FHIT: variants seen among roughly 807,000 people sequenced by gnomAD.
The protein encoded by FHIT is fragile histidine triad diadenosine triphosphatase, also known as bis(5'-adenosyl)-triphosphatase.
In FHIT, 19 loss-of-function variants were observed where a neutral mutation model predicts 17.9. The ratio of observed to expected loss-of-function variants is 1.06; its 90% confidence interval spans 0.74 to 1.56. The LOEUF (loss-of-function observed/expected upper bound fraction) is 1.56, where lower values mean the gene tolerates loss of function less well. Ranked by LOEUF, FHIT falls within the 40% of genes most tolerant of loss-of-function variation. The pLI is 0.00. For missense variants in FHIT, 248 were observed against 189.2 expected, an observed-to-expected ratio of 1.31 and a Z score of -1.82; for synonymous variants, 81 against 69.7, an observed-to-expected ratio of 1.16 and a Z score of -0.81.
intron 8 of FHIT, among the ~76,000 whole-genome samples, chr3:59,785,266 T>A (rs1702788591): frequency 6.6e-6 from 1 of 151,846 alleles, no homozygotes; most frequent in East Asian, 1.9e-4. Flanking sequence ...ATATTATAAA[T>A]GTTTCCAGTA....
intron 5 of FHIT, among the ~76,000 whole-genome samples, chr3:60,103,517 A>G (rs1169796566): frequency 6.6e-6 from 1 of 152,180 alleles, no homozygotes; most frequent in African/African-American, 2.4e-5. Flanking sequence ...AATAATTTCT[A>G]TGGGAGTGAC....
chr3:60,450,100 T>C (rs2031632840), intron 5 of FHIT, among the ~76,000 whole-genome samples: 1 of 151,582 alleles, frequency 6.6e-6, no homozygotes, highest in South Asian at 2.1e-4. Context: ...GACTAGAAAT[T>C]GTTCTGGGTG....
intron 2 of FHIT, among the ~76,000 whole-genome samples, chr3:61,058,077 C>A (rs757348132): frequency 8.5e-5 from 13 of 152,052 alleles, no homozygotes; most frequent in East Asian, 1.9e-4. Flanking sequence ...CAAAACAACA[C>A]CTACATTACA....
At chr3:61,046,862 C>T (rs748132301) in intron 2 of FHIT, among the ~76,000 whole-genome samples, 11 of 152,138 alleles carry the variant, frequency 7.2e-5, no homozygotes, top group Non-Finnish European at 1.5e-4. Context: ...AAACGTAATC[C>T]ATCATATAAA....
chr3:60,693,399 T>A (rs1439828691), intron 4 of FHIT, among the ~76,000 whole-genome samples: 2 of 152,332 alleles, frequency 1.3e-5, no homozygotes, highest in African/African-American at 2.4e-5. Context: ...CAATATTTTT[T>A]AAAGTTTCTC....
intron 5 of FHIT, among the ~76,000 whole-genome samples, chr3:60,321,437 C>T (rs191214666): frequency 6.6e-5 from 10 of 152,292 alleles, no homozygotes; most frequent in Admixed American, 3.3e-4. Flanking sequence ...AACTGCACCA[C>T]TGTACTCCAG....
At chr3:61,207,505 T>C (rs915047983) in intron 1 of FHIT, among the ~76,000 whole-genome samples, 6 of 152,194 alleles carry the variant, frequency 3.9e-5, no homozygotes, top group Admixed American at 3.3e-4. Context: ...GAGCCTGTTA[T>C]TGGTCTATTC....
chr3:60,888,846 T>G (rs781237134), intron 3 of FHIT, among the ~76,000 whole-genome samples: 1 of 152,206 alleles, frequency 6.6e-6, no homozygotes, highest in Non-Finnish European at 1.5e-5. Context: ...AGACAGATCT[T>G]TTGTATCCAT....
At chr3:61,210,794 G>A (rs894658582) in intron 1 of FHIT, among the ~76,000 whole-genome samples, 1 of 151,796 alleles carries the variant, frequency 6.6e-6, no homozygotes, top group Admixed American at 6.6e-5. Flanking sequence ...CTCACACACA[G>A]TGCGCTGCAC....
chr3:60,374,461 G>C (rs1451819952), intron 5 of FHIT, among the ~76,000 whole-genome samples: 1 of 151,570 alleles, frequency 6.6e-6, no homozygotes, highest in Admixed American at 6.6e-5. Flanking sequence ...ATTTAGGGAA[G>C]CATATCACTT....
At chr3:59,991,152 C>G (rs374187221) in intron 7 of FHIT, among the ~76,000 whole-genome samples, 1 of 152,032 alleles carries the variant, frequency 6.6e-6, no homozygotes, top group African/African-American at 2.4e-5. Flanking sequence ...CCATGTGTGA[C>G]AGTGGGTGTT....
chr3:61,070,994 AG>A (rs2034786865), intron 2 of FHIT, among the ~76,000 whole-genome samples: 1 of 152,200 alleles, frequency 6.6e-6, no homozygotes, highest in African/African-American at 2.4e-5. Flanking sequence ...GCACTTATGG[AG>A]GTTTTTATTT....
chr3:59,880,785 G>T (rs1703375737), intron 8 of FHIT, among the ~76,000 whole-genome samples: 1 of 152,204 alleles, frequency 6.6e-6, no homozygotes, highest in South Asian at 2.1e-4. Flanking sequence ...ATTAATTCAT[G>T]ATTATAGACG....
At chr3:60,095,202 T>C (rs1018908443) in intron 5 of FHIT, among the ~76,000 whole-genome samples, 8 of 152,160 alleles carry the variant, frequency 5.3e-5, no homozygotes, top group Non-Finnish European at 4.4e-5. Flanking sequence ...TTTTGTACAT[T>C]TATTACCTCG....
intron 4 of FHIT, among the ~76,000 whole-genome samples, chr3:60,740,772 T>C (rs1002415380): frequency 6.6e-6 from 1 of 152,172 alleles, no homozygotes; most frequent in Non-Finnish European, 1.5e-5. Context: ...CTTTTGTAAA[T>C]GAGACTAAAG....
At chr3:60,882,593 A>G (rs1013564162) in intron 3 of FHIT, among the ~76,000 whole-genome samples, 2 of 152,208 alleles carry the variant, frequency 1.3e-5, no homozygotes, top group African/African-American at 4.8e-5. Flanking sequence ...GATACTTCAC[A>G]TTAACAAAAT....
At chr3:59,785,310 G>T (rs1049414299) in intron 8 of FHIT, among the ~76,000 whole-genome samples, 32 of 82,252 alleles carry the variant, frequency 3.9e-4, no homozygotes, top group African/African-American at 1.2e-3. Flanking sequence ...ATGCAATCTT[G>T]CCTTTTTTTT....
At chr3:60,445,642 C>G (rs1192794152) in intron 5 of FHIT, among the ~76,000 whole-genome samples, 2 of 152,096 alleles carry the variant, frequency 1.3e-5, no homozygotes, top group African/African-American at 2.4e-5. Context: ...AAGCCACTCA[C>G]AGGGCTGAAT....
chr3:60,044,647 G>C (rs1701577609), intron 5 of FHIT, among the ~76,000 whole-genome samples: 1 of 152,128 alleles, frequency 6.6e-6, no homozygotes, highest in Non-Finnish European at 1.5e-5. Flanking sequence ...ATATGATACA[G>C]GATTTTGCTT....
Sources: allele counts gnomAD v4.1 joint callset (sites outside exome capture counted in the v4.1 genomes callset), GRCh38; gene constraint gnomAD v4.1.1; transcripts MANE v1.5; gene names NCBI Gene and HGNC (gene_info 2026-07-23, HGNC 2026-07-21).